The following RABEP1 variants were observed in gnomAD, a reference collection of about 807,000 sequenced individuals.
The protein encoded by RABEP1 is rab GTPase-binding effector protein 1.
RABEP1 carries 51 observed loss-of-function variants against 123.4 expected under a neutral mutation model. That is an observed-to-expected ratio of 0.41 (90% CI 0.33 to 0.52). The LOEUF (loss-of-function observed/expected upper bound fraction) is 0.52. Ranked by LOEUF, RABEP1 falls within the 20% of genes least tolerant of loss-of-function variation. The probability of loss-of-function intolerance (pLI) is 0.16; values close to 1 mark genes in which losing one functional copy is unlikely to be tolerated. For synonymous variants in RABEP1, 347 were observed against 355.2 expected, an observed-to-expected ratio of 0.98 and a Z score of 0.26; for missense variants, 888 against 996.3, an observed-to-expected ratio of 0.89 and a Z score of 1.46.
chr17:5,290,739 G>C (rs1432030175), intron 1 of RABEP1, among the ~76,000 whole-genome samples: 2 of 152,054 alleles, frequency 1.3e-5, no homozygotes, highest in African/African-American at 4.8e-5. Flanking sequence ...ATTACTCCGT[G>C]CTCATGACCC....
At chr17:5,311,732 A>G (rs902488413) in intron 2 of RABEP1, among the ~76,000 whole-genome samples, 1 of 151,690 alleles carries the variant, frequency 6.6e-6, no homozygotes, top group South Asian at 2.1e-4. Context: ...AGACTAAAAA[A>G]TAGGAAAATA....
chr17:5,385,345 G>T lies in RABEP1; in HGVS notation c.*2122G>T. 4.3e-6 allele frequency: 1 copy of T among 230,806 alleles called. No homozygotes were observed. The highest frequency in any genetic ancestry group is 6.2e-5 in the East Asian group (1 of 16,204). 14.3% of individuals were successfully genotyped at this position (230,806 alleles called of 1,614,324 possible). A position where few individuals can be genotyped will look rare whatever the true frequency, so the allele number is the denominator to read the frequency against. On this transcript the variant is annotated 3_prime_UTR_variant, in exon 18 of 18. Coordinates refer to ENST00000537505, the MANE Select transcript of RABEP1 (RefSeq NM_004703.6). ...TCAGTTGGGTTTCACGAGTGTTCCT[G>T]TGCTTATATTCAGTCTGTGCCTACA...
At chr17:5,336,579 GA>G (rs1907109320) in intron 4 of RABEP1, 2 of 412,604 alleles carry the variant, frequency 4.8e-6, no homozygotes, top group African/African-American at 4.3e-5. Flanking sequence ...TGTTTTTAAT[GA>G]CCTTTCTGTC....
Position 5,335,231 on chromosome 17 carries a change from G to T in RABEP1, c.415G>T (p.Glu139Ter). The change falls in exon 4 of 18, where the codon GAG becomes TAG. Residue 139 changes from glutamate (E) to a stop codon, truncating the protein, a stop_gained. Coordinates refer to ENST00000537505, the MANE Select transcript of RABEP1 (RefSeq NM_004703.6). LOFTEE classifies it high-confidence loss of function. ...EHQFHLRLEQ[E>*]RTQWAQYRES... ...CCAGTTCCACCTTAGGCTGGAGCAG[G>T]AGCGAACACAGTGGGCACAGTATAG... is the stretch of plus-strand genomic sequence containing the variant. 1 of 1,614,010 alleles carries T rather than the reference G, an allele frequency of 6.2e-7. No homozygotes were observed. The highest frequency in any genetic ancestry group is 1.1e-5 in the South Asian group (1 of 91,066).
Position 5,354,358 on chromosome 17 carries a change from G to T in RABEP1, c.964-1G>T. 1 of 1,606,426 alleles carries T rather than the reference G, an allele frequency of 6.2e-7. No homozygotes were observed. The highest frequency in any genetic ancestry group is 1.1e-5 in the South Asian group (1 of 89,388). The stretch of plus-strand genomic sequence containing the variant: ...TATATATGTTTTTTTCTTCCTTTTA[G>T]GAGGATGATGAACAACAAAGACTCA... On this transcript the variant is annotated splice_acceptor_variant, in intron 7 of 17. Transcript: ENST00000537505. LOFTEE classifies it high-confidence loss of function.
At position 5,325,091 on chromosome 17, in the gene RABEP1, T is replaced by C. The variant is rs533279758; in HGVS notation, c.164-6858T>C. Among the ~76,000 whole-genome samples the C allele has an allele frequency of 3.3e-5, 5 of 152,184 alleles. No homozygotes were observed. In the South Asian group the frequency reaches 1.0e-3, roughly 32 times the overall value. On this transcript the variant is annotated intron_variant, in intron 2 of 17. Coordinates refer to ENST00000537505, the MANE Select transcript of RABEP1 (RefSeq NM_004703.6). ...ACTTTGGGAGGCCAAGGCAGGTGGA[T>C]TGCCTGAGCTCAGGAGTTCGAGACC...
At chr17:5,348,652 C>T (rs1292581259) in intron 6 of RABEP1, among the ~76,000 whole-genome samples, 2 of 152,126 alleles carry the variant, frequency 1.3e-5, no homozygotes, top group African/African-American at 2.4e-5. Context: ...GCTCTGCCTC[C>T]TGGGTTCACG....
chr17:5,331,884 C>A, intron 2 of RABEP1, 65 bp from the exon 3 acceptor site: 1 of 1,428,812 alleles, frequency 7.0e-7, no homozygotes, highest in Non-Finnish European at 9.7e-7. Flanking sequence ...TACCTTATTT[C>A]TTTATTGGAA....
At chr17:5,308,640 T>C (rs2075204711) in intron 1 of RABEP1, 54 bp from the exon 2 acceptor site, 1 of 1,507,386 alleles carries the variant, frequency 6.6e-7, no homozygotes, top group Non-Finnish European at 9.0e-7. Flanking sequence ...TTTACTGTTT[T>C]ATAAATTTAT....
chr17:5,371,831 T>C (rs1418539566), intron 12 of RABEP1, among the ~76,000 whole-genome samples: 1 of 152,204 alleles, frequency 6.6e-6, no homozygotes, highest in East Asian at 1.9e-4. Flanking sequence ...TTTACTTGTC[T>C]TTCTCCTCTA....
intron 5 of RABEP1, among the ~76,000 whole-genome samples, chr17:5,341,106 GAA>G (rs1907567605): frequency 6.6e-6 from 1 of 151,770 alleles, no homozygotes; most frequent in South Asian, 2.1e-4. Flanking sequence ...CAGGAAAAAT[GAA>G]AACAAAAATG....
At chr17:5,337,164 A>G (rs1907172242) in intron 4 of RABEP1, among the ~76,000 whole-genome samples, 1 of 152,204 alleles carries the variant, frequency 6.6e-6, no homozygotes, top group Non-Finnish European at 1.5e-5. Context: ...GAAAGCAATG[A>G]TAGTTTTAAG....
chr17:5,343,549 T>C (rs1204397213), intron 5 of RABEP1, among the ~76,000 whole-genome samples: 1 of 152,104 alleles, frequency 6.6e-6, no homozygotes, highest in Admixed American at 6.6e-5. Flanking sequence ...GACAGGTTTA[T>C]TTCTAAACCG....
intron 1 of RABEP1, among the ~76,000 whole-genome samples, chr17:5,282,924 C>G (rs1198885818): frequency 2.0e-5 from 3 of 152,026 alleles, no homozygotes. Context: ...GTGTACCCTC[C>G]CTGCCGCCCC....
At chr17:5,342,209 C>G (rs1907673288) in intron 5 of RABEP1, among the ~76,000 whole-genome samples, 1 of 151,256 alleles carries the variant, frequency 6.6e-6, no homozygotes, top group Admixed American at 6.6e-5. Context: ...TGATCCTATT[C>G]ACAAGAGTAA....
intron 5 of RABEP1, among the ~76,000 whole-genome samples, chr17:5,341,571 A>C (rs1356240392): frequency 2.0e-5 from 3 of 152,232 alleles, no homozygotes; most frequent in African/African-American, 7.2e-5. Flanking sequence ...CTCTCAGGGA[A>C]TACAAAAAGA....
Position 5,368,438 on chromosome 17 carries a change from C to T in RABEP1, c.1854C>T (p.Ser618=). Residue 618 remains serine (S), a synonymous_variant, in exon 12 of 18, where the codon TCC becomes TCT. Coordinates refer to ENST00000537505, the MANE Select transcript of RABEP1 (RefSeq NM_004703.6). ...TTGAAGAGTTACAGCAGGGGCTTTC[C>T]CAGGCAAAGAGGGATGTTCAGGAAC... ...ILLEELQQGL[S]QAKRDVQEQM... 2 of 1,613,250 alleles carry T rather than the reference C, an allele frequency of 1.2e-6. No individual in the cohort carries two copies. The highest frequency in any genetic ancestry group is 2.2e-5 in the South Asian group (2 of 91,012).
intron 1 of RABEP1, among the ~76,000 whole-genome samples, chr17:5,305,975 CTT>C (rs2075175811): frequency 6.6e-6 from 1 of 152,168 alleles, no homozygotes; most frequent in Non-Finnish European, 1.5e-5. Context: ...CAGTCATCCT[CTT>C]TCGGCAATGA....
In RABEP1 at chr17:5,327,426, A is replaced by G. The variant is rs966862486; in HGVS notation, c.164-4523A>G. Among the ~76,000 whole-genome samples, 52 of 152,262 alleles carry G rather than the reference A, an allele frequency of 3.4e-4. No individual in the cohort carries two copies. The East Asian group carries it at 5.0e-3, about 15-fold the overall frequency. ...AAACATAGACAAGATGTTTGGCAGT[A>G]TGATGTTACCATGGCTAGATGTCAC... On this transcript the variant is annotated intron_variant, in intron 2 of 17. Coordinates refer to ENST00000537505, the MANE Select transcript of RABEP1 (RefSeq NM_004703.6).
Sources: allele counts gnomAD v4.1 joint callset (sites outside exome capture counted in the v4.1 genomes callset), GRCh38; gene constraint gnomAD v4.1.1; transcripts MANE v1.5; gene names NCBI Gene and HGNC (gene_info 2026-07-23, HGNC 2026-07-21).